TSPAN9: variants seen among roughly 807,000 people sequenced by gnomAD.
TSPAN9 encodes tetraspanin 9.
TSPAN9 carries 16 observed loss-of-function variants against 31.0 expected under a neutral mutation model. That is an observed-to-expected ratio of 0.52 (90% CI 0.35 to 0.78). The LOEUF is 0.78. Among genes scored for constraint, TSPAN9 ranks in the 30% least tolerant of loss-of-function variants. TSPAN9 has a pLI of 0.01. For missense variants in TSPAN9, 272 were observed against 312.5 expected (o/e 0.87, Z 0.98); for synonymous variants, 145 against 121.6 (o/e 1.19, Z -1.27).
intron 2 of TSPAN9, among the ~76,000 whole-genome samples, chr12:3,104,467 C>G (rs1467895725): frequency 2.0e-5 from 3 of 152,122 alleles, no homozygotes; most frequent in Non-Finnish European, 2.9e-5. Context: ...ATCCTCCCAC[C>G]TCAGCCTCCT....
chr12:3,093,754 T>G (rs535403728), intron 2 of TSPAN9, among the ~76,000 whole-genome samples: 1 of 152,356 alleles, frequency 6.6e-6, no homozygotes, highest in Non-Finnish European at 1.5e-5. Context: ...GCCTCTTCAC[T>G]AGCTTGGCCA....
intron 2 of TSPAN9, among the ~76,000 whole-genome samples, chr12:3,122,482 C>G (rs937512015): frequency 1.3e-5 from 2 of 152,032 alleles, no homozygotes; most frequent in African/African-American, 4.8e-5. Context: ...GTTGTCCAGG[C>G]TGGTCTCAAA....
chr12:3,222,058 A>G (rs931045001), intron 3 of TSPAN9, among the ~76,000 whole-genome samples: 1 of 152,228 alleles, frequency 6.6e-6, no homozygotes. Context: ...GCGGCCAGCT[A>G]CCTTAGGTGC....
intron 2 of TSPAN9, among the ~76,000 whole-genome samples, chr12:3,176,405 TG>T (rs951867846): frequency 6.6e-6 from 1 of 152,192 alleles, no homozygotes; most frequent in African/African-American, 2.4e-5. Flanking sequence ...ACCACGCGGC[TG>T]TGTGCAAGCA....
chr12:3,159,402 C>T (rs1315341292), intron 2 of TSPAN9, among the ~76,000 whole-genome samples: 2 of 152,124 alleles, frequency 1.3e-5, no homozygotes, highest in African/African-American at 4.8e-5. Context: ...ATAATTTGTA[C>T]ACCATCACAC....
chr12:3,118,861 A>G (rs1177893921), intron 2 of TSPAN9, among the ~76,000 whole-genome samples: 1 of 152,138 alleles, frequency 6.6e-6, no homozygotes, highest in East Asian at 1.9e-4. Flanking sequence ...CAGAGATGTG[A>G]TGAGGGTCAG....
At chr12:3,123,322 C>A (rs2098325968) in intron 2 of TSPAN9, among the ~76,000 whole-genome samples, 1 of 152,208 alleles carries the variant, frequency 6.6e-6, no homozygotes, top group South Asian at 2.1e-4. Flanking sequence ...TTGATTCAGG[C>A]TGTTTCTTTT....
chr12:3,092,554 G>T (rs143579545), intron 2 of TSPAN9, among the ~76,000 whole-genome samples: 93 of 152,308 alleles, frequency 6.1e-4, no homozygotes, highest in African/African-American at 2.2e-3. Context: ...CAAGTAGGAA[G>T]GGATAAGATT....
intron 3 of TSPAN9, among the ~76,000 whole-genome samples, chr12:3,250,243 C>T (rs1485753122): frequency 6.6e-6 from 1 of 152,182 alleles, no homozygotes; most frequent in Non-Finnish European, 1.5e-5. Context: ...TGCCTTTACC[C>T]ATTGCGTAAA....
At chr12:3,110,272 C>G (rs970040984) in intron 2 of TSPAN9, among the ~76,000 whole-genome samples, 1 of 152,128 alleles carries the variant, frequency 6.6e-6, no homozygotes, top group Non-Finnish European at 1.5e-5. Flanking sequence ...CACAGGAATT[C>G]CGTTTTAGAT....
At chr12:3,236,967 C>T (rs781432620) in intron 3 of TSPAN9, among the ~76,000 whole-genome samples, 9 of 152,120 alleles carry the variant, frequency 5.9e-5, no homozygotes, top group South Asian at 2.1e-4. Flanking sequence ...CAGATAGAAA[C>T]GAGCACACAT....
chr12:3,144,862 C>T (rs548173034), intron 2 of TSPAN9, among the ~76,000 whole-genome samples: 1 of 152,334 alleles, frequency 6.6e-6, no homozygotes, highest in East Asian at 1.9e-4. Flanking sequence ...AAATTAGAAC[C>T]CAAAAAGCTT....
chr12:3,104,849 C>T (rs994395205), intron 2 of TSPAN9, among the ~76,000 whole-genome samples: 2 of 152,190 alleles, frequency 1.3e-5, no homozygotes, highest in Non-Finnish European at 2.9e-5. Flanking sequence ...AGGCAGGTTC[C>T]AAAGGTTGTG....
intron 3 of TSPAN9, among the ~76,000 whole-genome samples, chr12:3,220,395 C>T (rs747908297): frequency 6.0e-4 from 91 of 152,294 alleles, no homozygotes; most frequent in Non-Finnish European, 9.9e-4. Context: ...CAGGGTTAGG[C>T]GTGGGTCTAG....
At chr12:3,248,866 G>A (rs565915428) in intron 3 of TSPAN9, among the ~76,000 whole-genome samples, 10 of 152,072 alleles carry the variant, frequency 6.6e-5, no homozygotes, top group Middle Eastern at 3.4e-3. Flanking sequence ...GTCCTCCTTG[G>A]TCCTCTGGTT....
chr12:3,221,450 C>G (rs1390628327), intron 3 of TSPAN9, among the ~76,000 whole-genome samples: 1 of 151,574 alleles, frequency 6.6e-6, no homozygotes, highest in Non-Finnish European at 1.5e-5. Context: ...TCTCTGCCCC[C>G]CAGGTTCAAG....
At chr12:3,144,923 C>T (rs1313762761) in intron 2 of TSPAN9, among the ~76,000 whole-genome samples, 19 of 152,272 alleles carry the variant, frequency 1.2e-4, no homozygotes, top group Admixed American at 9.2e-4. Flanking sequence ...CCTATTCCCC[C>T]AGACCTTTAT....
chr12:3,282,804 G>A lies in TSPAN9; in HGVS notation c.649-241G>A, dbSNP rs117281708. ...TAGGCACACGTATGCATCCTGCAGA[G>A]GTTCGATGGCTTCTGGTCTAACAGC... On this transcript the variant is annotated intron_variant, in intron 8 of 8. Coordinates refer to ENST00000011898, the MANE Select transcript of TSPAN9 (RefSeq NM_006675.5). Among the ~76,000 whole-genome samples the A allele has an allele frequency of 3.0e-3, 463 of 152,378 alleles. 4 individuals carry two copies. Among genetic ancestry groups the A allele is most frequent in the Middle Eastern group, 6.8e-3 (2 of 294 alleles).
chr12:3,212,914 G>T (rs142120277), intron 3 of TSPAN9, among the ~76,000 whole-genome samples: 2 of 152,290 alleles, frequency 1.3e-5, no homozygotes, highest in African/African-American at 4.8e-5. Context: ...GATGGAAGAT[G>T]TACAACGTGG....
Sources: allele counts gnomAD v4.1 joint callset (sites outside exome capture counted in the v4.1 genomes callset), GRCh38; gene constraint gnomAD v4.1.1; transcripts MANE v1.5; gene names NCBI Gene and HGNC (gene_info 2026-07-23, HGNC 2026-07-21).